Variants in NUP133 observed in about 807,000 individuals in gnomAD.
NUP133 encodes nucleoporin 133, also known as nuclear pore complex protein Nup133.
A neutral mutation model predicts 146.2 loss-of-function variants in NUP133; 66 were observed. The ratio of observed to expected loss-of-function variants is 0.45; its 90% CI spans 0.37 to 0.55. NUP133 has a LOEUF of 0.55. NUP133 is among the 20% of genes least tolerant of loss of function. The probability of loss-of-function intolerance (pLI) is 0.00; values close to 1 mark genes in which losing one functional copy is unlikely to be tolerated. For synonymous variants in NUP133, 521 were observed against 498.8 expected (o/e 1.04, Z -0.59); for missense variants, 1,277 against 1,374.8 (o/e 0.93, Z 1.12).
Position 229,464,687 on chromosome 1 carries a change from C to T in NUP133, c.2488G>A (p.Glu830Lys), listed in dbSNP as rs1356876820. 2.5e-6 allele frequency: 4 copies of T among 1,614,042 alleles called. No individual in the cohort carries two copies. Among genetic ancestry groups the T allele is most frequent in the South Asian group, 1.1e-5 (1 of 91,092 alleles). Residue 830 changes from glutamate (E) to lysine (K), a missense_variant, in exon 18 of 26, where the codon GAA (glutamate) becomes AAA (lysine). By Grantham distance (56) the Glu-to-Lys change is moderately conservative. This residue lies in a region of NUP133 where 952 missense variants were observed against 1,047.0 expected (regional missense o/e 0.91). Transcript: ENST00000261396. Reference protein sequence around the residue: ...LKSVDKSSNRERYDNLEMEYL... With the variant: ...LKSVDKSSNRKRYDNLEMEYL... Reference sequence around the variant, plus strand: ...TCCATCTCCAGATTGTCATATCTTTCCCGATTACTGGATTTATCCACAGAC... The same window carrying T: ...TCCATCTCCAGATTGTCATATCTTTTCCGATTACTGGATTTATCCACAGAC...
chr1:229,443,859 G>A (rs959119782), intron 25 of NUP133, among the ~76,000 whole-genome samples: 1 of 143,970 alleles, frequency 6.9e-6, no homozygotes, highest in Non-Finnish European at 1.5e-5. Context: ...CTCCCCAGTA[G>A]CTGGAAACAC....
intron 15 of NUP133, among the ~76,000 whole-genome samples, chr1:229,470,084 C>T (rs899109515): frequency 6.6e-6 from 1 of 152,026 alleles, no homozygotes; most frequent in Non-Finnish European, 1.5e-5. Flanking sequence ...AGGATGGATG[C>T]AGTAGCTCAC....
intron 18 of NUP133, among the ~76,000 whole-genome samples, chr1:229,463,969 A>G (rs1660753988): frequency 6.6e-6 from 1 of 151,966 alleles, no homozygotes; most frequent in Admixed American, 6.6e-5. Flanking sequence ...AATATGGTGA[A>G]ACCCCATCCC....
At chr1:229,456,820 G>T (rs1002817577) in intron 21 of NUP133, among the ~76,000 whole-genome samples, 7 of 150,756 alleles carry the variant, frequency 4.6e-5, no homozygotes, top group African/African-American at 1.7e-4. Flanking sequence ...CATATATATA[G>T]AGAGAGACTT....
At position 229,506,167 on chromosome 1, in the gene NUP133, AAG is replaced by A; in HGVS notation, c.183-11_183-10del. The A allele has an allele frequency of 6.7e-7, 1 of 1,494,092 alleles. No homozygotes were observed. Among genetic ancestry groups the A allele is most frequent in the Non-Finnish European group, 9.3e-7 (1 of 1,074,194 alleles). The allele number at this position is 1,494,092 out of a possible 1,614,324, so 92.6% of individuals were successfully genotyped here. On this transcript the variant is annotated splice_polypyrimidine_tract_variant and intron_variant, in intron 1 of 25. Transcript: ENST00000261396. The stretch of plus-strand genomic sequence containing the variant: ...TTCGTGTTGGTGTTCCCCTAAAGAA[AAG>A]AGTCTATATTACCTTACTTGTAACT...
chr1:229,463,109 G>A (rs940791050), intron 19 of NUP133, among the ~76,000 whole-genome samples: 1 of 152,134 alleles, frequency 6.6e-6, no homozygotes, highest in Admixed American at 6.5e-5. Context: ...AGAATTGTGT[G>A]GTCAGGCGAT....
chr1:229,456,287 G>A (rs188175047), intron 21 of NUP133, among the ~76,000 whole-genome samples: 6 of 152,276 alleles, frequency 3.9e-5, no homozygotes, highest in Admixed American at 3.9e-4. Context: ...AATGGTCTCA[G>A]CATCCTCTGG....
In NUP133 at chr1:229,472,246, G is replaced by C. The variant is rs555652028; in HGVS notation, c.1852-1442C>G. Among the ~76,000 whole-genome samples, 22 of 151,040 alleles carry C rather than the reference G, an allele frequency of 1.5e-4. No homozygotes were observed. The South Asian group carries it at 4.4e-3, about 30-fold the overall frequency. On this transcript the variant is annotated intron_variant, in intron 14 of 25. Coordinates refer to ENST00000261396, the MANE Select transcript of NUP133 (RefSeq NM_018230.3). ...AGGCAGGAGAATGGCATGAACCAGG[G>C]AAGCGGAGCTTGCAGTGAGCAGAGA...
intron 11 of NUP133, among the ~76,000 whole-genome samples, chr1:229,486,086 C>T (rs774649877): frequency 1.1e-4 from 17 of 152,024 alleles, no homozygotes; most frequent in South Asian, 4.1e-4. Flanking sequence ...TGCTTGATCC[C>T]GGGAGGTTGA....
intron 7 of NUP133, 45 bp downstream of exon 7, chr1:229,495,847 C>T (rs1020601635): frequency 1.4e-6 from 2 of 1,456,858 alleles, no homozygotes; most frequent in African/African-American, 1.4e-5. Context: ...CATTATCATA[C>T]AACCATAAAC....
At chr1:229,501,781 G>A (rs368335966) in intron 3 of NUP133, among the ~76,000 whole-genome samples, 10 of 152,282 alleles carry the variant, frequency 6.6e-5, no homozygotes, top group East Asian at 5.8e-4. Flanking sequence ...TTTATTAAAT[G>A]TAAACAACAC....
intron 1 of NUP133, among the ~76,000 whole-genome samples, chr1:229,506,821 T>C (rs1218393101): frequency 7.6e-6 from 1 of 131,268 alleles, no homozygotes; most frequent in South Asian, 2.4e-4. Context: ...CCTGTCTCTT[T>C]AAAAAAAAAA....
rs1660168132 is a variant in NUP133, at chr1:229,440,854, G to A, written c.*1050C>T. 6.5e-6 allele frequency: 1 copy of A among 152,778 alleles called. No homozygotes were observed. The highest frequency in any genetic ancestry group is 6.5e-5 in the Admixed American group (1 of 15,350). The allele number at this position is 152,778 out of a possible 1,614,324, so 9.5% of individuals were successfully genotyped here. A position where few individuals can be genotyped will look rare whatever the true frequency, so the allele number is the denominator to read the frequency against. Reference sequence around the variant, plus strand: ...AGGGCTGGCCTTGCAGCCTGCGGGGGAGACGGCCTGATGCTGGGCTCTGTG... The same window carrying A: ...AGGGCTGGCCTTGCAGCCTGCGGGGAAGACGGCCTGATGCTGGGCTCTGTG... On this transcript the variant is annotated 3_prime_UTR_variant, in exon 26 of 26. Transcript: ENST00000261396.
chr1:229,454,506 C>A (rs1571908958), intron 21 of NUP133, among the ~76,000 whole-genome samples: 1 of 152,174 alleles, frequency 6.6e-6, no homozygotes. Flanking sequence ...CTACAGACAA[C>A]TTATTTTTCC....
At chr1:229,506,449 GTTTTTTTT>G (rs35852954) in intron 1 of NUP133, among the ~76,000 whole-genome samples, 2 of 107,412 alleles carry the variant, frequency 1.9e-5, no homozygotes, top group East Asian at 5.9e-4. Context: ...CTAGACCAGT[GTTTTTTTT>G]TTTTTTTTTT....
At position 229,445,000 on chromosome 1, in the gene NUP133, C is replaced by T; in HGVS notation, c.3248G>A (p.Trp1083Ter). ...ILCKALQRDN[W>*]SSSDGKDDPI... ...ATCATCTTTGCCATCAGAACTGGAC[C>T]AGCTAGAAAACAAAATCATTATGAG... The change falls in exon 25 of 26, where the codon TGG becomes TAG. Residue 1083 changes from tryptophan (W) to a stop codon, truncating the protein, a stop_gained and splice_region_variant. Transcript: ENST00000261396. LOFTEE classifies it high-confidence loss of function. 1 of 1,605,088 alleles carries T rather than the reference C, an allele frequency of 6.2e-7. No individual in the cohort carries two copies. The highest frequency in any genetic ancestry group is 8.5e-7 in the Non-Finnish European group (1 of 1,174,350).
At chr1:229,506,005 C>T in intron 2 of NUP133, 35 bp downstream of exon 2, 3 of 1,239,854 alleles carry the variant, frequency 2.4e-6, no homozygotes, top group Non-Finnish European at 3.6e-6. Context: ...CCATTTTAAA[C>T]TGCTAATATA....
At chr1:229,498,741 G>C (rs923755455) in intron 5 of NUP133, among the ~76,000 whole-genome samples, 40 of 144,214 alleles carry the variant, frequency 2.8e-4, no homozygotes, top group Non-Finnish European at 4.9e-4. Flanking sequence ...GGGTGACAGA[G>C]TAAAACTGTG....
At position 229,464,735 on chromosome 1, in the gene NUP133, C is replaced by G; in HGVS notation, c.2440G>C (p.Asp814His). Residue 814 changes from aspartate (D) to histidine (H), a missense_variant, in exon 18 of 26, where the codon GAT (aspartate) becomes CAT (histidine). Transcript: ENST00000261396. Reference protein sequence around the residue: ...QLVALIDCFLDGYVSQLKSVD... With the variant: ...QLVALIDCFLHGYVSQLKSVD... ...GACTTAAGCTGAGAAACATAACCATCCAGGAAGCAATCGATCAGGGCTACC... is the reference window on the plus strand; with the variant it reads ...GACTTAAGCTGAGAAACATAACCATGCAGGAAGCAATCGATCAGGGCTACC... 6.2e-7 allele frequency: 1 copy of G among 1,614,186 alleles called. No individual in the cohort carries two copies. Among genetic ancestry groups the G allele is most frequent in the Non-Finnish European group, 8.5e-7 (1 of 1,180,048 alleles).
Sources: allele counts gnomAD v4.1 joint callset (sites outside exome capture counted in the v4.1 genomes callset), GRCh38; gene constraint gnomAD v4.1.1; regional missense constraint gnomAD v4.1.1; transcripts MANE v1.5; gene names NCBI Gene and HGNC (gene_info 2026-07-23, HGNC 2026-07-21).